STAU2: variants seen among roughly 807,000 people sequenced by gnomAD.
STAU2 encodes staufen double-stranded RNA binding protein 2.
Under a neutral mutation model 65.9 loss-of-function variants are expected in STAU2, and 20 were observed. That is an observed-to-expected ratio of 0.30 (90% CI 0.21 to 0.44). The LOEUF (loss-of-function observed/expected upper bound fraction) is 0.44, where lower values mean the gene tolerates loss of function less well. STAU2 is among the 20% of genes least tolerant of loss of function. The pLI is 1.00. For missense variants in STAU2, 558 were observed against 683.9 expected, an observed-to-expected ratio of 0.82 and a Z score of 2.05; for synonymous variants, 232 against 233.9, an observed-to-expected ratio of 0.99 and a Z score of 0.07.
chr8:73,724,629 GGCTAA>G (rs1441062899), intron 3 of STAU2, among the ~76,000 whole-genome samples: 49 of 151,028 alleles, frequency 3.2e-4, no homozygotes, highest in Admixed American at 8.6e-4. Context: ...AGGTAGGCTA[GGCTAA>G]GCTATGATGT....
chr8:73,481,625 ATTG>A (rs1395493183), intron 13 of STAU2, among the ~76,000 whole-genome samples: 2 of 152,110 alleles, frequency 1.3e-5, no homozygotes, highest in Non-Finnish European at 2.9e-5. Flanking sequence ...CAAAGGCTAA[ATTG>A]TTGTATGTTA....
At chr8:73,480,206 G>C (rs550453045) in intron 13 of STAU2, among the ~76,000 whole-genome samples, 78 of 152,140 alleles carry the variant, frequency 5.1e-4, no homozygotes, top group African/African-American at 1.7e-3. Flanking sequence ...CAATGCCCTG[G>C]CTATGTTGGA....
intron 13 of STAU2, among the ~76,000 whole-genome samples, chr8:73,506,270 T>C (rs1270984050): frequency 6.6e-6 from 1 of 152,134 alleles, no homozygotes; most frequent in Admixed American, 6.6e-5. Context: ...TGTGCACGTA[T>C]GCAGTGAGCC....
chr8:73,637,191 C>A (rs1425596464), intron 6 of STAU2, among the ~76,000 whole-genome samples: 1 of 150,488 alleles, frequency 6.6e-6, no homozygotes, highest in African/African-American at 2.4e-5. Flanking sequence ...AAAGGTCTAA[C>A]AGAAGGAGAG....
At chr8:73,610,747 C>T (rs1011437450) in intron 9 of STAU2, among the ~76,000 whole-genome samples, 9 of 152,144 alleles carry the variant, frequency 5.9e-5, no homozygotes, top group African/African-American at 1.7e-4. Context: ...TTTGTAGTCT[C>T]GTCTTATAGA....
At chr8:73,434,701 C>T (rs1281035396) in intron 13 of STAU2, among the ~76,000 whole-genome samples, 2 of 151,916 alleles carry the variant, frequency 1.3e-5, no homozygotes, top group Non-Finnish European at 2.9e-5. Flanking sequence ...ACATCTTTCT[C>T]TCTTTTGCTC....
At chr8:73,457,296 AC>A (rs1205500637) in intron 13 of STAU2, among the ~76,000 whole-genome samples, 1 of 152,210 alleles carries the variant, frequency 6.6e-6, no homozygotes, top group Non-Finnish European at 1.5e-5. Context: ...ACAATCCAAT[AC>A]ACTGCAGGTT....
intron 13 of STAU2, among the ~76,000 whole-genome samples, chr8:73,445,464 A>T (rs1202900847): frequency 6.6e-6 from 1 of 152,278 alleles, no homozygotes; most frequent in Non-Finnish European, 1.5e-5. Flanking sequence ...CAAAATTTTA[A>T]GCTTTATTTT....
intron 13 of STAU2, among the ~76,000 whole-genome samples, chr8:73,524,762 A>G (rs1823253582): frequency 6.6e-6 from 1 of 152,156 alleles, no homozygotes; most frequent in Non-Finnish European, 1.5e-5. Flanking sequence ...TTATGAATAG[A>G]AACTTTAAAA....
chr8:73,539,895 A>C (rs894426833), intron 13 of STAU2, among the ~76,000 whole-genome samples: 1 of 152,060 alleles, frequency 6.6e-6, no homozygotes, highest in African/African-American at 2.4e-5. Context: ...GAGGAAAAAA[A>C]TGAATAACGC....
At chr8:73,667,110 C>A (rs1275940727) in intron 6 of STAU2, among the ~76,000 whole-genome samples, 1 of 152,124 alleles carries the variant, frequency 6.6e-6, no homozygotes, top group Non-Finnish European at 1.5e-5. Flanking sequence ...CCTTAATACC[C>A]CAAATGCAAT....
intron 9 of STAU2, among the ~76,000 whole-genome samples, chr8:73,610,505 C>T (rs1474454639): frequency 7.0e-6 from 1 of 143,076 alleles, no homozygotes; most frequent in Non-Finnish European, 1.5e-5. Context: ...TGCCACTGCA[C>T]TCCAGCTTGG....
At chr8:73,677,023 GA>G (rs1240833403) in intron 5 of STAU2, among the ~76,000 whole-genome samples, 1 of 152,100 alleles carries the variant, frequency 6.6e-6, no homozygotes, top group Non-Finnish European at 1.5e-5. Flanking sequence ...GTAAAAAGTA[GA>G]AAAAATTTTA....
chr8:73,719,885 T>G (rs1045730903), intron 3 of STAU2, among the ~76,000 whole-genome samples: 8 of 152,220 alleles, frequency 5.3e-5, no homozygotes, highest in Non-Finnish European at 1.0e-4. Context: ...ATTGATATTA[T>G]TTTTTCCTTA....
At chr8:73,421,573 A>G (rs1816379059) in intron 14 of STAU2, 108 bp from the exon 15 acceptor site, 2 of 990,868 alleles carry the variant, frequency 2.0e-6, no homozygotes, top group South Asian at 1.5e-5. Context: ...CAAAAGTGAC[A>G]TTTTAAAGTG....
intron 13 of STAU2, among the ~76,000 whole-genome samples, chr8:73,448,696 G>A (rs1818614989): frequency 6.6e-6 from 1 of 152,236 alleles, no homozygotes; most frequent in South Asian, 2.1e-4. Flanking sequence ...CACGGGGCTG[G>A]AAGATGACCC....
chr8:73,573,553 A>C (rs1310464032), intron 12 of STAU2, among the ~76,000 whole-genome samples: 4 of 152,208 alleles, frequency 2.6e-5, no homozygotes, highest in African/African-American at 9.6e-5. Context: ...ACCAAAACAG[A>C]GATATAGACC....
chr8:73,721,287 CAAAAAAAAAA>C lies in STAU2; in HGVS notation c.-17-12135_-17-12126del, dbSNP rs35721754. ...CGTGAACAAAGCAAAACCCCACCTC[CAAAAAAAAAA>C]AAAAAAAAAAAAAAAAAAGTCCTTT... On this transcript the variant is annotated intron_variant, in intron 3 of 14. Coordinates refer to ENST00000524300, the MANE Select transcript of STAU2 (RefSeq NM_001164380.2). Among the ~76,000 whole-genome samples, 93 of 12,462 alleles carry C rather than the reference CAAAAAAAAAA, an allele frequency of 7.5e-3. 1 individual carries two copies. Among genetic ancestry groups the C allele is most frequent in the East Asian group, 0.016 (6 of 368 alleles). The allele number at this position is 12,462 out of a possible 152,430, so 8.2% of individuals were successfully genotyped here. A position where few individuals can be genotyped will look rare whatever the true frequency, so the allele number is the denominator to read the frequency against.
chr8:73,557,745 C>A (rs1807898125), intron 12 of STAU2, among the ~76,000 whole-genome samples: 1 of 152,174 alleles, frequency 6.6e-6, no homozygotes, highest in Non-Finnish European at 1.5e-5. Flanking sequence ...GGACTTCAAC[C>A]ACTACACTTC....
Sources: allele counts gnomAD v4.1 joint callset (sites outside exome capture counted in the v4.1 genomes callset), GRCh38; gene constraint gnomAD v4.1.1; transcripts MANE v1.5; gene names NCBI Gene and HGNC (gene_info 2026-07-23, HGNC 2026-07-21).